Variants in CCDC63 observed in about 807,000 individuals in gnomAD.
CCDC63 encodes coiled-coil domain containing 63, also known as coiled-coil domain-containing protein 63.
Under a neutral mutation model 63.6 loss-of-function variants are expected in CCDC63, and 54 were observed. The observed-to-expected ratio is 0.85, with a 90% CI of 0.68 to 1.07. The LOEUF is 1.07. Among genes scored for constraint, CCDC63 ranks in the 50% least tolerant of loss-of-function variants. The pLI is 0.00. For synonymous variants in CCDC63, 253 were observed against 266.1 expected (o/e 0.95, Z 0.48); for missense variants, 637 against 689.6 (o/e 0.92, Z 0.86).
At chr12:110,906,359 G>A (rs1263414711) in intron 11 of CCDC63, among the ~76,000 whole-genome samples, 1 of 148,888 alleles carries the variant, frequency 6.7e-6, no homozygotes, top group East Asian at 2.0e-4. Flanking sequence ...GGGGCGATGA[G>A]AGAAAGGGAA....
At chr12:110,867,468 G>A (rs1244247835) in intron 4 of CCDC63, among the ~76,000 whole-genome samples, 1 of 107,332 alleles carries the variant, frequency 9.3e-6, no homozygotes, top group Non-Finnish European at 1.9e-5. Context: ...TTCCCAGTAG[G>A]GGCGGCCGGG....
At chr12:110,895,239 G>A (rs960613824) in intron 9 of CCDC63, among the ~76,000 whole-genome samples, 11 of 152,116 alleles carry the variant, frequency 7.2e-5, no homozygotes, top group Non-Finnish European at 1.5e-4. Flanking sequence ...TCAGCCTCCC[G>A]AGTAGCTGGG....
intron 8 of CCDC63, among the ~76,000 whole-genome samples, chr12:110,887,904 T>A (rs1465756559): frequency 1.3e-5 from 2 of 152,168 alleles, no homozygotes. Context: ...CCCAGCCTTC[T>A]TTTTTAGTTT....
intron 8 of CCDC63, among the ~76,000 whole-genome samples, chr12:110,890,626 T>C (rs1170943154): frequency 1.5e-5 from 2 of 133,682 alleles, no homozygotes; most frequent in African/African-American, 2.9e-5. Flanking sequence ...TTTGCACACA[T>C]AGACAGACAC....
intron 3 of CCDC63, 46 bp downstream of exon 3, chr12:110,853,620 T>C (rs750684605): frequency 1.3e-5 from 21 of 1,609,288 alleles, no homozygotes; most frequent in Admixed American, 1.2e-4. Context: ...TGGAGGAAAG[T>C]TGGGGTTGGG....
intron 4 of CCDC63, among the ~76,000 whole-genome samples, chr12:110,861,069 G>A (rs1314869155): frequency 2.0e-5 from 3 of 152,026 alleles, no homozygotes; most frequent in Non-Finnish European, 4.4e-5. Context: ...GACGGGGGAG[G>A]CGCCACACAC....
chr12:110,847,169 A>C (rs1364813766), intron 1 of CCDC63, 64 bp downstream of exon 1: 2 of 152,288 alleles, frequency 1.3e-5, no homozygotes, highest in Admixed American at 6.5e-5. Flanking sequence ...AGGGAAAAGG[A>C]AAGAGCGGTC....
In CCDC63 at chr12:110,884,218, G is replaced by C. The variant is rs2071249012; in HGVS notation, c.1042G>C (p.Glu348Gln). Residue 348 changes from glutamate (E) to glutamine (Q), a missense_variant, in exon 8 of 12, where the codon GAG becomes CAG. Coordinates refer to ENST00000308208, the MANE Select transcript of CCDC63 (RefSeq NM_152591.3). Reference sequence around the variant, plus strand: ...TGTCACGGAGCTCAACAACGACATGGAGATGATGCACAAGAGGACCCAACG... The same window carrying C: ...TGTCACGGAGCTCAACAACGACATGCAGATGATGCACAAGAGGACCCAACG... The part of the protein sequence containing the change: ...TYVTELNNDM[E>Q]MMHKRTQRIQ... 6.2e-7 allele frequency: 1 copy of C among 1,614,122 alleles called. No homozygotes were observed. The highest frequency in any genetic ancestry group is 8.5e-7 in the Non-Finnish European group (1 of 1,180,036).
rs1037298888 is a variant in CCDC63, at chr12:110,898,789, T to C, written c.1150-144T>C. On this transcript the variant is annotated intron_variant, in intron 9 of 11. Transcript: ENST00000308208. ...TCTATTTTATTTTATTTCTTTAAAA[T>C]TTGATGGGAACCCATTTAATTGATC... 1.2e-5 allele frequency: 6 copies of C among 506,604 alleles called. No individual in the cohort carries two copies. The Admixed American group carries it at 1.9e-4, about 16-fold the overall frequency. 31.4% of individuals were successfully genotyped at this position (506,604 alleles called of 1,614,324 possible). A position where few individuals can be genotyped will look rare whatever the true frequency, so the allele number is the denominator to read the frequency against.
chr12:110,846,700 A>C (rs2070641116), upstream of CCDC63: 1 of 152,344 alleles, frequency 6.6e-6, no homozygotes, highest in Admixed American at 6.6e-5. Flanking sequence ...GGCGAGGTGG[A>C]CCAGCGATTG....
chr12:110,889,142 T>A lies in CCDC63; in HGVS notation c.1075-3934T>A, dbSNP rs901063532. Among the ~76,000 whole-genome samples, 1 of 152,196 alleles carries A rather than the reference T, an allele frequency of 6.6e-6. No individual in the cohort carries two copies. The highest frequency in any genetic ancestry group is 1.5e-5 in the Non-Finnish European group (1 of 68,040). On this transcript the variant is annotated intron_variant, in intron 8 of 11. Transcript: ENST00000308208. The surrounding 1 kb of genome is among the most constrained non-coding windows in gnomAD (Gnocchi z 4.1). Reference sequence around the variant, plus strand: ...ATAGTTATTATCATATAAAGTTGTGTATCTGATTGAAGCAAATGTCCTTTT... The same window carrying A: ...ATAGTTATTATCATATAAAGTTGTGAATCTGATTGAAGCAAATGTCCTTTT...
chr12:110,885,523 G>A (rs2071268313), intron 8 of CCDC63, among the ~76,000 whole-genome samples: 1 of 152,128 alleles, frequency 6.6e-6, no homozygotes. Context: ...ACCTGCCTTT[G>A]CAGACACAGG....
At chr12:110,894,479 T>G (rs984880703) in intron 9 of CCDC63, among the ~76,000 whole-genome samples, 1 of 152,188 alleles carries the variant, frequency 6.6e-6, no homozygotes, top group Non-Finnish European at 1.5e-5. Context: ...GCGGCTGTTT[T>G]CTGCTTTTTT....
intron 11 of CCDC63, among the ~76,000 whole-genome samples, chr12:110,906,759 C>T: frequency 6.6e-6 from 1 of 152,150 alleles, no homozygotes; most frequent in East Asian, 1.9e-4. Context: ...CCCATCTCAG[C>T]ACAACTTCCA....
At chr12:110,893,823 C>A (rs1383973333) in intron 9 of CCDC63, among the ~76,000 whole-genome samples, 1 of 151,916 alleles carries the variant, frequency 6.6e-6, no homozygotes, top group African/African-American at 2.4e-5. Context: ...CTGGTGAAAC[C>A]CCATCTCTAC....
Position 110,899,138 on chromosome 12 carries a change from G to T in CCDC63, c.1342+13G>T. 1 of 1,602,092 alleles carries T rather than the reference G, an allele frequency of 6.2e-7. No homozygotes were observed. The highest frequency in any genetic ancestry group is 8.5e-7 in the Non-Finnish European group (1 of 1,173,708). ...CCGCAGTATTTTGGTGAGTCAAGCT[G>T]GGGCCCGTTGGAGTCTTAGGAAACA... is the stretch of plus-strand genomic sequence containing the variant. On this transcript the variant is annotated intron_variant, in intron 10 of 11. Coordinates refer to ENST00000308208, the MANE Select transcript of CCDC63 (RefSeq NM_152591.3).
At chr12:110,867,713 C>A (rs1450058546) in intron 4 of CCDC63, among the ~76,000 whole-genome samples, 2 of 120,886 alleles carry the variant, frequency 1.7e-5, no homozygotes, top group African/African-American at 3.4e-5. Flanking sequence ...CTGACCCCCC[C>A]ACCTCCCTCC....
intron 4 of CCDC63, among the ~76,000 whole-genome samples, chr12:110,868,771 G>A (rs2071022361): frequency 9.2e-6 from 1 of 109,174 alleles, no homozygotes; most frequent in Non-Finnish European, 1.9e-5. Context: ...GAGGGGGAGG[G>A]AGAGGGAGAG....
chr12:110,867,623 G>A (rs1593656584), intron 4 of CCDC63, among the ~76,000 whole-genome samples: 6 of 130,386 alleles, frequency 4.6e-5, no homozygotes, highest in African/African-American at 5.9e-5. Context: ...CCGGGCAGAG[G>A]GGCTCCTCAC....
Sources: gnomAD v4.1 joint callset for allele counts (sites outside exome capture counted in the v4.1 genomes callset) on GRCh38, gnomAD v4.1.1 for gene constraint, Gnocchi (gnomAD v3.1) non-coding constraint, MANE v1.5 for transcripts, NCBI Gene and HGNC (gene_info 2026-07-23, HGNC 2026-07-21) for gene names.